MYLK2: variants seen among roughly 807,000 people sequenced by gnomAD.
MYLK2 encodes the protein myosin light chain kinase 2, skeletal/cardiac muscle.
In MYLK2, 27 loss-of-function variants were observed where a neutral mutation model predicts 58.2. That is an observed-to-expected ratio of 0.46 (90% CI 0.34 to 0.64). The LOEUF (loss-of-function observed/expected upper bound fraction) is 0.64, where lower values mean the gene tolerates loss of function less well. MYLK2 is among the 30% of genes least tolerant of loss of function. The pLI, the probability that MYLK2 is intolerant of heterozygous loss-of-function variation, is 0.01. For synonymous variants in MYLK2, 310 were observed against 296.7 expected (o/e 1.04, Z -0.46); for missense variants, 676 against 764.3 (o/e 0.88, Z 1.36).
intron 8 of MYLK2, among the ~76,000 whole-genome samples, chr20:31,829,254 G>GT (rs889323258): frequency 1.3e-5 from 2 of 152,164 alleles, no homozygotes; most frequent in Admixed American, 6.5e-5. Context: ...ATAATAATAC[G>GT]TTTTTTGTCA....
rs11907637 is a variant in MYLK2, at chr20:31,826,464, G to T, written c.973-141G>T. The T allele has an allele frequency of 2.8e-3, 3,163 of 1,115,248 alleles. 59 individuals carry two copies. In the African/African-American group the frequency reaches 0.044, roughly 15 times the overall value. 69.1% of individuals were successfully genotyped at this position (1,115,248 alleles called of 1,614,324 possible). ...TGGTGAGGACCACAGATGTGGGGGT[G>T]GGGGAGAGAGGAGAGGCAAGGAGGA... On this transcript the variant is annotated intron_variant, in intron 6 of 12. Coordinates refer to ENST00000375985, the MANE Select transcript of MYLK2 (RefSeq NM_033118.4).
At position 31,819,386 on chromosome 20, in the gene MYLK2, G is replaced by A. The variant is rs1056552527; in HGVS notation, c.-91G>A. ...TGCCCAGGACTGCTCCTGAGCAGCC[G>A]CTGGGAGACAGACGGCAACCAGGTT... On this transcript the variant is annotated 5_prime_UTR_variant, in exon 1 of 13. Transcript: ENST00000375985. 46 of 686,786 alleles carry A rather than the reference G, an allele frequency of 6.7e-5. No individual in the cohort carries two copies. In the Middle Eastern group the frequency reaches 9.2e-4, roughly 14 times the overall value. The allele number at this position is 686,786 out of a possible 1,614,324, so 42.5% of individuals were successfully genotyped here. A position where few individuals can be genotyped will look rare whatever the true frequency, so the allele number is the denominator to read the frequency against.
intron 12 of MYLK2, among the ~76,000 whole-genome samples, chr20:31,832,775 G>A (rs1013329412): frequency 1.3e-5 from 2 of 152,240 alleles, no homozygotes; most frequent in Admixed American, 6.5e-5. Flanking sequence ...ACAGGCGTGA[G>A]CCACTGTGCC....
intron 8 of MYLK2, among the ~76,000 whole-genome samples, chr20:31,829,232 G>GT (rs879669221): frequency 2.0e-5 from 3 of 152,058 alleles, no homozygotes; most frequent in Non-Finnish European, 4.4e-5. Context: ...CCTAAAATGT[G>GT]TTTTTTTCAG....
At position 31,821,566 on chromosome 20, in the gene MYLK2, G is replaced by A. The variant is rs917204433; in HGVS notation, c.601G>A (p.Ala201Thr). 1 of 1,614,144 alleles carries A rather than the reference G, an allele frequency of 6.2e-7. No homozygotes were observed. Among genetic ancestry groups the A allele is most frequent in the South Asian group, 1.1e-5 (1 of 91,090 alleles). ...GGCAGAAGAAGGAAAGAACATCCTG[G>A]CAGAGAGCCAGAAGGAAGTGGGAGA... ...AKAEEGKNIL[A>T]ESQKEVGEKT... is the part of the protein sequence containing the mutation. Residue 201 changes from alanine (A) to threonine (T), a missense_variant, in exon 4 of 13, where the codon GCA becomes ACA. By Grantham distance (58) the Ala-to-Thr change is moderately conservative. This residue lies in a region of MYLK2 where 306 missense variants were observed against 296.5 expected (regional missense o/e 1.03). Transcript: ENST00000375985.
Position 31,821,457 on chromosome 20 carries a change from C to T in MYLK2, c.492C>T (p.Ala164=). 1 of 1,613,616 alleles carries T rather than the reference C, an allele frequency of 6.2e-7. No homozygotes were observed. Among genetic ancestry groups the T allele is most frequent in the Non-Finnish European group, 8.5e-7 (1 of 1,180,036 alleles). The change falls in exon 4 of 13, where the codon GCC becomes GCT. Residue 164 remains alanine (A), a synonymous_variant. Coordinates refer to ENST00000375985, the MANE Select transcript of MYLK2 (RefSeq NM_033118.4). The part of the protein sequence containing the change: ...AIISSSEKLL[A]KKPPSEASEL... ...CTTCTAGTTCTGAGAAGCTGCTGGC[C>T]AAGAAGCCCCCAAGCGAGGCATCAG...
intron 4 of MYLK2, 113 bp from the exon 5 acceptor site, chr20:31,823,364 C>A: frequency 1.1e-6 from 1 of 920,276 alleles, no homozygotes; most frequent in Non-Finnish European, 1.7e-6. Flanking sequence ...CCAGGTATCA[C>A]TTGGTGAACT....
At chr20:31,819,771 A>G (rs2123125291) in intron 2 of MYLK2, 139 bp downstream of exon 2, 1 of 1,113,452 alleles carries the variant, frequency 9.0e-7, no homozygotes, top group Non-Finnish European at 1.3e-6. Flanking sequence ...AATCAGAGGA[A>G]TCTCTGGCTA....
In MYLK2 at chr20:31,831,151, C is replaced by A. The variant is rs2062304495; in HGVS notation, c.1424+10C>A. The A allele has an allele frequency of 6.2e-7, 1 of 1,614,040 alleles. No individual in the cohort carries two copies. The highest frequency in any genetic ancestry group is 8.5e-7 in the Non-Finnish European group (1 of 1,179,986). ...TGATCACCTACATGCTGTGAGCTCC[C>A]AGGCGGGTCGTGTTTATGGGGTTGG... is the stretch of plus-strand genomic sequence containing the variant. On this transcript the variant is annotated intron_variant, in intron 10 of 12. Transcript: ENST00000375985.
intron 6 of MYLK2, 188 bp downstream of exon 6, chr20:31,824,540 A>T: frequency 2.0e-6 from 2 of 985,464 alleles, no homozygotes; most frequent in South Asian, 9.4e-5. Context: ...GACCCTACCC[A>T]TAACCAGATA....
intron 8 of MYLK2, chr20:31,828,177 C>T (rs1166733099): frequency 1.7e-5 from 17 of 985,180 alleles, no homozygotes; most frequent in Middle Eastern, 5.2e-4. Context: ...TGTGAGCCAC[C>T]GTGCCTGGCC....
In MYLK2 at chr20:31,832,071, C is replaced by T. The variant is rs540151040; in HGVS notation, c.1645C>T (p.Arg549Cys). The change falls in exon 12 of 13, where the codon CGC becomes TGC. Residue 549 changes from arginine (R) to cysteine (C), a missense_variant. Transcript: ENST00000375985. The stretch of plus-strand genomic sequence containing the variant: ...CAACAACCTGGCGGAGAAAGCCAAA[C>T]GCTGTAACCGACGCCTTAAGTCCCA... ...WLNNLAEKAKRCNRRLKSQIL... is the reference protein window; with the variant it reads ...WLNNLAEKAKCCNRRLKSQIL... 19 of 1,607,774 alleles carry T rather than the reference C, an allele frequency of 1.2e-5. No homozygotes were observed. Among genetic ancestry groups the T allele is most frequent in the Admixed American group, 6.8e-5 (4 of 58,902 alleles).
Position 31,819,651 on chromosome 20 carries a change from A to T in MYLK2, c.52+19A>T, listed in dbSNP as rs1471938352. The T allele has an allele frequency of 1.9e-6, 3 of 1,551,286 alleles. No homozygotes were observed. Among genetic ancestry groups the T allele is most frequent in the Admixed American group, 3.9e-5 (2 of 50,988 alleles). On this transcript the variant is annotated intron_variant, in intron 2 of 12. Coordinates refer to ENST00000375985, the MANE Select transcript of MYLK2 (RefSeq NM_033118.4). The stretch of plus-strand genomic sequence containing the variant: ...TCAACAGGTGCCAAGCTGGGGCAGG[A>T]GATGGAGGGAGGAGCTTGGGAAGGG...
At chr20:31,827,519 A>G (rs1359128330) in intron 8 of MYLK2, 21 of 985,198 alleles carry the variant, frequency 2.1e-5, no homozygotes, top group Non-Finnish European at 2.4e-5. Context: ...GAATATTGAT[A>G]TCCTTCTTCT....
Position 31,820,555 on chromosome 20 carries a change from C to A in MYLK2, c.473+9C>A. The A allele has an allele frequency of 6.3e-7, 1 of 1,599,478 alleles. No homozygotes were observed. Reference sequence around the variant, plus strand: ...CCTGCCATCATCTCCAGGTGAATATCCCCTCCTGGGAGTGGGGAGGGGTCC... The same window carrying A: ...CCTGCCATCATCTCCAGGTGAATATACCCTCCTGGGAGTGGGGAGGGGTCC... On this transcript the variant is annotated intron_variant, in intron 3 of 12. Transcript: ENST00000375985.
chr20:31,828,497 G>A (rs2062290894), intron 8 of MYLK2: 1 of 983,648 alleles, frequency 1.0e-6, no homozygotes, highest in Non-Finnish European at 1.2e-6. Context: ...CCCGTGCTAG[G>A]CATAGGGACT....
chr20:31,831,848 G>A lies in MYLK2; in HGVS notation c.1570G>A (p.Asp524Asn), dbSNP rs1056813583. 1.9e-6 allele frequency: 3 copies of A among 1,614,036 alleles called. No individual in the cohort carries two copies. The highest frequency in any genetic ancestry group is 2.2e-5 in the South Asian group (2 of 91,080). The change falls in exon 11 of 13, where the codon GAC becomes AAC. Residue 524 changes from aspartate (D) to asparagine (N), a missense_variant. This residue lies in a region of MYLK2 where 370 missense variants were observed against 467.8 expected (regional missense o/e 0.79). Coordinates refer to ENST00000375985, the MANE Select transcript of MYLK2 (RefSeq NM_033118.4). ...CTTTGTCTCCAACCTCATCGTCAAG[G>A]ACCAGAGGTGAGGCTCACCCCAGAA... ...KDFVSNLIVK[D>N]QRARMNAAQC... is the part of the protein sequence containing the mutation.
chr20:31,820,110 C>A lies in MYLK2; in HGVS notation c.53-16C>A. 1 of 1,613,390 alleles carries A rather than the reference C, an allele frequency of 6.2e-7. No homozygotes were observed. Among genetic ancestry groups the A allele is most frequent in the Non-Finnish European group, 8.5e-7 (1 of 1,180,000 alleles). ...AAGGAGGGTGGATCCTGATGGGTGT[C>A]TCACCTCCTCTGCAGACAAGGCACC... is the stretch of plus-strand genomic sequence containing the variant. On this transcript the variant is annotated splice_polypyrimidine_tract_variant and intron_variant, in intron 2 of 12. Coordinates refer to ENST00000375985, the MANE Select transcript of MYLK2 (RefSeq NM_033118.4).
chr20:31,822,195 C>A (rs1287119397), intron 4 of MYLK2, among the ~76,000 whole-genome samples: 1 of 152,082 alleles, frequency 6.6e-6, no homozygotes, highest in African/African-American at 2.4e-5. Flanking sequence ...ACCTGTCAGG[C>A]CACCCAGACT....
Sources: gnomAD v4.1 joint callset for allele counts (sites outside exome capture counted in the v4.1 genomes callset) on GRCh38, gnomAD v4.1.1 for gene constraint, gnomAD v4.1.1 regional missense constraint, MANE v1.5 for transcripts, NCBI Gene and HGNC (gene_info 2026-07-23, HGNC 2026-07-21) for gene names.